The following WWOX variants were observed in gnomAD, a reference collection of about 807,000 sequenced individuals.
WWOX encodes WW domain containing oxidoreductase, also known as WW domain-containing oxidoreductase.
In WWOX, 69 loss-of-function variants were observed where a neutral mutation model predicts 46.2. The ratio of observed to expected loss-of-function variants is 1.49; its 90% CI spans 1.23 to 1.82. The LOEUF (loss-of-function observed/expected upper bound fraction) is 1.82. WWOX is among the 40% of genes most tolerant of loss of function. WWOX has a pLI of 0.00. For missense variants in WWOX, 919 were observed against 542.6 expected (o/e 1.69, Z -6.89); for synonymous variants, 359 against 202.6 (o/e 1.77, Z -6.56).
intron 8 of WWOX, among the ~76,000 whole-genome samples, chr16:78,622,735 C>T (rs1049210311): frequency 6.6e-6 from 1 of 152,006 alleles, no homozygotes; most frequent in Non-Finnish European, 1.5e-5. Context: ...TAGGATGTAA[C>T]TGTTTAGATT....
At chr16:78,882,602 AGTAGC>A (rs2044366496) in intron 8 of WWOX, among the ~76,000 whole-genome samples, 1 of 32,768 alleles carries the variant, frequency 3.1e-5, no homozygotes, top group African/African-American at 1.5e-4. Context: ...TCGCCTCCCG[AGTAGC>A]CTCCCGAGTA....
rs147956753 is a variant in WWOX at position 79,117,966 on chromosome 16, T to C, written c.1057-93642T>C. On this transcript the variant is annotated intron_variant, in intron 8 of 8. Coordinates refer to ENST00000566780, the MANE Select transcript of WWOX (RefSeq NM_016373.4). ...CTTCATATGGGTGATAACGCTGTTTTGGTTTCTATCATTTGTGTGTTCACT... is the reference window on the plus strand; with the variant it reads ...CTTCATATGGGTGATAACGCTGTTTCGGTTTCTATCATTTGTGTGTTCACT... 2.1e-3 allele frequency among the ~76,000 whole-genome samples: 316 copies of C among 152,384 alleles called. 3 individuals carry two copies. Among genetic ancestry groups the C allele is most frequent in the African/African-American group, 7.0e-3 (291 of 41,600 alleles).
At chr16:79,187,352 C>T (rs1261452887) in intron 8 of WWOX, among the ~76,000 whole-genome samples, 2 of 152,178 alleles carry the variant, frequency 1.3e-5, no homozygotes, top group South Asian at 4.1e-4. Flanking sequence ...CAAATACCTC[C>T]TATGCCCCTA....
rs1396126563 is a variant in WWOX at position 78,348,056 on chromosome 16, C to G, written c.517-38804C>G. 2.5e-5 allele frequency among the ~76,000 whole-genome samples: 3 copies of G among 122,420 alleles called. 1 individual carries two copies. The highest frequency in any genetic ancestry group is 5.9e-5 in the Non-Finnish European group (3 of 51,048). The allele number at this position is 122,420 out of a possible 152,430, so 80.3% of individuals were successfully genotyped here. The stretch of plus-strand genomic sequence containing the variant: ...ATACCTTTCTGCTTCCATCCCCTAA[C>G]CCACAAAGCTCAAGTCTAGTTTAAT... On this transcript the variant is annotated intron_variant, in intron 5 of 8. Coordinates refer to ENST00000566780, the MANE Select transcript of WWOX (RefSeq NM_016373.4).
intron 5 of WWOX, among the ~76,000 whole-genome samples, chr16:78,214,623 G>A (rs1028927241): frequency 3.3e-5 from 5 of 152,080 alleles, no homozygotes; most frequent in East Asian, 3.9e-4. Context: ...TTGAATATTC[G>A]TGTCCCAGGT....
chr16:78,144,176 A>G (rs555064012), intron 4 of WWOX, among the ~76,000 whole-genome samples: 12 of 151,922 alleles, frequency 7.9e-5, no homozygotes, highest in African/African-American at 2.9e-4. Flanking sequence ...GCAATTGTCT[A>G]TTACAAGCTG....
At chr16:78,229,828 A>G (rs2037193848) in intron 5 of WWOX, among the ~76,000 whole-genome samples, 1 of 152,058 alleles carries the variant, frequency 6.6e-6, no homozygotes, top group African/African-American at 2.4e-5. Flanking sequence ...CTTTCTCCCC[A>G]AGAGCCATAT....
intron 8 of WWOX, among the ~76,000 whole-genome samples, chr16:79,022,845 A>C (rs1181587955): frequency 1.3e-5 from 2 of 152,114 alleles, no homozygotes; most frequent in Admixed American, 6.5e-5. Context: ...CTGCAGATAG[A>C]GTCTGTGCTT....
In WWOX at chr16:78,647,305, G is replaced by A. The variant is rs186299808; in HGVS notation, c.1056+214553G>A. 3.9e-5 allele frequency among the ~76,000 whole-genome samples: 6 copies of A among 152,236 alleles called. No homozygotes were observed. The East Asian group carries it at 5.8e-4, about 15-fold the overall frequency. ...CAGGAAGGGGAGTGGATGCTGGCCC[G>A]GCCCAGGCGAGGATGAGGAGTAACT... On this transcript the variant is annotated intron_variant, in intron 8 of 8. Transcript: ENST00000566780.
Position 78,263,765 on chromosome 16 carries a change from A to G in WWOX, c.516+99476A>G, listed in dbSNP as rs1431083011. Among the ~76,000 whole-genome samples the G allele has an allele frequency of 2.0e-5, 3 of 152,158 alleles. No homozygotes were observed. The East Asian group carries it at 5.8e-4, about 29-fold the overall frequency. On this transcript the variant is annotated intron_variant, in intron 5 of 8. Transcript: ENST00000566780. ...CTTCCCAGAGATTTATCTGCCACTT[A>G]CCTGGAGTAAGTAGAAAGGATATCA... is the stretch of plus-strand genomic sequence containing the variant.
Position 78,724,827 on chromosome 16 carries a change from A to G in WWOX, c.1056+292075A>G, listed in dbSNP as rs115363035. ...TGTGTGTGTGTGTAGTTTTTCAGACATATCTCCATCTGATTCTTACCTCTA... is the reference window on the plus strand; with the variant it reads ...TGTGTGTGTGTGTAGTTTTTCAGACGTATCTCCATCTGATTCTTACCTCTA... On this transcript the variant is annotated intron_variant, in intron 8 of 8. Transcript: ENST00000566780. Among the ~76,000 whole-genome samples, 479 of 152,312 alleles carry G rather than the reference A, an allele frequency of 3.1e-3. 4 individuals are homozygous for G. The highest frequency in any genetic ancestry group is 0.011 in the African/African-American group (459 of 41,572).
intron 5 of WWOX, among the ~76,000 whole-genome samples, chr16:78,310,768 C>G (rs1322760294): frequency 1.3e-5 from 2 of 152,202 alleles, no homozygotes; most frequent in African/African-American, 2.4e-5. Context: ...CTTGCTCTCA[C>G]AGCTGTGTCA....
intron 8 of WWOX, among the ~76,000 whole-genome samples, chr16:79,084,020 G>A (rs919448567): frequency 2.6e-5 from 4 of 152,088 alleles, no homozygotes; most frequent in Non-Finnish European, 5.9e-5. Context: ...TTAACCACTC[G>A]CATCAGTTTT....
At chr16:79,147,519 T>G (rs2050203475) in intron 8 of WWOX, among the ~76,000 whole-genome samples, 1 of 152,224 alleles carries the variant, frequency 6.6e-6, no homozygotes, top group Admixed American at 6.5e-5. Flanking sequence ...GAAGGAAATC[T>G]AGTCTTGGCT....
At chr16:78,287,737 A>G (rs2079792963) in intron 5 of WWOX, among the ~76,000 whole-genome samples, 1 of 152,198 alleles carries the variant, frequency 6.6e-6, no homozygotes, top group South Asian at 2.1e-4. Flanking sequence ...TTTTTAAACA[A>G]AAAAGTTACA....
chr16:78,675,839 A>T (rs932673696), intron 8 of WWOX, among the ~76,000 whole-genome samples: 15 of 151,908 alleles, frequency 9.9e-5, no homozygotes, highest in South Asian at 6.2e-4. Context: ...AAATATATAT[A>T]TTTTTTTAAA....
chr16:78,136,265 C>G (rs959378637), intron 4 of WWOX, among the ~76,000 whole-genome samples: 10 of 152,296 alleles, frequency 6.6e-5, no homozygotes, highest in African/African-American at 1.9e-4. Flanking sequence ...CATGATATCC[C>G]TATGCTTTTA....
At chr16:79,083,418 G>T (rs1327828951) in intron 8 of WWOX, among the ~76,000 whole-genome samples, 1 of 152,144 alleles carries the variant, frequency 6.6e-6, no homozygotes, top group Non-Finnish European at 1.5e-5. Context: ...GAGCTTCCCT[G>T]TTGGCCATTA....
intron 8 of WWOX, among the ~76,000 whole-genome samples, chr16:79,163,101 C>T (rs1050748235): frequency 1.3e-5 from 2 of 152,062 alleles, no homozygotes; most frequent in Non-Finnish European, 2.9e-5. Flanking sequence ...TGTTGACAAG[C>T]GACATTTGTG....
Sources: allele counts gnomAD v4.1 joint callset (sites outside exome capture counted in the v4.1 genomes callset), GRCh38; gene constraint gnomAD v4.1.1; transcripts MANE v1.5; gene names NCBI Gene and HGNC (gene_info 2026-07-23, HGNC 2026-07-21).